Variants in CAGE1 observed in about 807,000 individuals in gnomAD.
CAGE1 encodes cancer-associated gene 1 protein.
In CAGE1, 66 loss-of-function variants were observed where a neutral mutation model predicts 94.9. The observed-to-expected ratio is 0.70, with a 90% CI of 0.57 to 0.85. CAGE1 has a LOEUF of 0.85. Among genes scored for constraint, CAGE1 ranks in the 40% least tolerant of loss-of-function variants. The pLI, the probability that CAGE1 is intolerant of heterozygous loss-of-function variation, is 0.00. For synonymous variants in CAGE1, 319 were observed against 321.0 expected (o/e 0.99, Z 0.07); for missense variants, 865 against 950.4 (o/e 0.91, Z 1.18).
intron 3 of CAGE1, among the ~76,000 whole-genome samples, chr6:7,379,951 A>C (rs1760876890): frequency 1.3e-5 from 2 of 152,192 alleles, no homozygotes; most frequent in South Asian, 4.1e-4. Context: ...ACATAAACTA[A>C]AAGAAAAATA....
intron 11 of CAGE1, among the ~76,000 whole-genome samples, chr6:7,343,484 T>C (rs1759273596): frequency 6.6e-6 from 1 of 152,234 alleles, no homozygotes; most frequent in Non-Finnish European, 1.5e-5. Flanking sequence ...ACTGAAATTT[T>C]CTGTTATTTT....
intron 12 of CAGE1, among the ~76,000 whole-genome samples, chr6:7,333,731 C>T (rs1006400783): frequency 6.7e-5 from 10 of 149,154 alleles, no homozygotes; most frequent in African/African-American, 2.0e-4. Context: ...TGCAGTGGCA[C>T]GATCTCGGCT....
At chr6:7,386,648 G>A (rs1761129541) in intron 2 of CAGE1, among the ~76,000 whole-genome samples, 1 of 152,116 alleles carries the variant, frequency 6.6e-6, no homozygotes, top group Non-Finnish European at 1.5e-5. Context: ...GTGCAGTGGC[G>A]CGATCTTGGC....
chr6:7,344,553 G>C (rs981430193), intron 11 of CAGE1, among the ~76,000 whole-genome samples: 1 of 152,212 alleles, frequency 6.6e-6, no homozygotes. Flanking sequence ...GCCGCCCCCT[G>C]CTCTACAGCG....
intron 3 of CAGE1, among the ~76,000 whole-genome samples, chr6:7,382,437 G>A (rs1760970465): frequency 6.6e-6 from 1 of 151,898 alleles, no homozygotes; most frequent in South Asian, 2.1e-4. Context: ...GAGTAGCTGG[G>A]ACTACAGGCA....
rs139334553 is a variant in CAGE1, at chr6:7,364,260, C to T, written c.2193+1208G>A. Among the ~76,000 whole-genome samples, 18 of 152,284 alleles carry T rather than the reference C, an allele frequency of 1.2e-4. No individual in the cohort carries two copies. The East Asian group carries it at 2.5e-3, about 21-fold the overall frequency. ...CTTAGAAATAATCTCTTCCAGTCCT[C>T]GGACAAGTATCCACTCTGTTAGATG... On this transcript the variant is annotated intron_variant, in intron 9 of 13. Transcript: ENST00000502583.
At chr6:7,372,925 G>A in intron 5 of CAGE1, 148 bp downstream of exon 5, 3 of 630,066 alleles carry the variant, frequency 4.8e-6, no homozygotes, top group East Asian at 5.7e-5. Context: ...AGATCCTCCT[G>A]CCTCAGCCTC....
intron 11 of CAGE1, among the ~76,000 whole-genome samples, chr6:7,342,512 T>C (rs1759221407): frequency 6.6e-6 from 1 of 152,130 alleles, no homozygotes; most frequent in South Asian, 2.1e-4. Flanking sequence ...TGACTCATAC[T>C]CCGGGTATCT....
chr6:7,368,218 A>G (rs1390849401), intron 7 of CAGE1, among the ~76,000 whole-genome samples: 1 of 142,080 alleles, frequency 7.0e-6, no homozygotes, highest in African/African-American at 2.8e-5. Context: ...ATGCCACTGC[A>G]CTCCAGCCTG....
rs1759075975 is a variant in CAGE1, at chr6:7,339,143, G to C, written c.2370-5053C>G. ...TCATGGATTTAGCTCTCTGTCCTCA[G>C]AGTTTCCCAGACACCACGACCTCAC... On this transcript the variant is annotated intron_variant, in intron 11 of 13. Transcript: ENST00000502583. This position sits in a 1 kb window ranked among gnomAD's most constrained non-coding sequence, Gnocchi z 4.7. 1.9e-6 allele frequency: 3 copies of C among 1,542,204 alleles called. No homozygotes were observed. The South Asian group carries it at 3.3e-5, about 17-fold the overall frequency.
chr6:7,340,827 G>C, intron 11 of CAGE1: 1 of 409,940 alleles, frequency 2.4e-6, no homozygotes, highest in South Asian at 2.2e-5. Context: ...TCTTCCAACT[G>C]CTTCACTAGC....
At chr6:7,349,978 A>C (rs1377242480) in intron 11 of CAGE1, among the ~76,000 whole-genome samples, 1 of 151,734 alleles carries the variant, frequency 6.6e-6, no homozygotes, top group African/African-American at 2.4e-5. Flanking sequence ...AAAAAAAAAG[A>C]ACTCATCAAC....
At chr6:7,331,334 C>A in intron 12 of CAGE1, 1 of 1,055,160 alleles carries the variant, frequency 9.5e-7, no homozygotes, top group Non-Finnish European at 1.3e-6. Flanking sequence ...AAAAGAGACC[C>A]GTAAGTCTGG....
intron 8 of CAGE1, 75 bp from the exon 9 acceptor site, chr6:7,365,650 T>C (rs1421723686): frequency 6.7e-7 from 1 of 1,499,546 alleles, no homozygotes; most frequent in African/African-American, 1.4e-5. Flanking sequence ...AATACTTTAT[T>C]AGTTTAAAAA....
At chr6:7,387,829 C>T (rs1350425173) in intron 1 of CAGE1, among the ~76,000 whole-genome samples, 10 of 145,790 alleles carry the variant, frequency 6.9e-5, no homozygotes, top group Admixed American at 4.2e-4. Context: ...ATCATCCTGG[C>T]TAACACGGTG....
intron 12 of CAGE1, among the ~76,000 whole-genome samples, chr6:7,333,329 A>T (rs1353315580): frequency 1.3e-5 from 2 of 152,172 alleles, no homozygotes; most frequent in East Asian, 3.9e-4. Flanking sequence ...CTCTTCTAAA[A>T]TAGCAGACTG....
intron 13 of CAGE1, chr6:7,329,165 T>G (rs1463779843): frequency 7.7e-6 from 3 of 390,970 alleles, no homozygotes; most frequent in Non-Finnish European, 1.4e-5. Context: ...ACTCCTGAAC[T>G]CAAGTGATCC....
intron 9 of CAGE1, among the ~76,000 whole-genome samples, chr6:7,364,970 T>C (rs778779467): frequency 7.9e-5 from 12 of 152,228 alleles, no homozygotes; most frequent in Non-Finnish European, 1.6e-4. Flanking sequence ...CGTTTTCATT[T>C]TAGTGAGATC....
At chr6:7,337,154 C>G (rs1007759864) in intron 11 of CAGE1, among the ~76,000 whole-genome samples, 2 of 151,886 alleles carry the variant, frequency 1.3e-5, no homozygotes, top group African/African-American at 2.4e-5. Context: ...AACCCCGTCT[C>G]TACTAAAAAT....
Sources: allele counts gnomAD v4.1 joint callset (sites outside exome capture counted in the v4.1 genomes callset), GRCh38; gene constraint gnomAD v4.1.1; non-coding constraint Gnocchi (gnomAD v3.1); transcripts MANE v1.5; gene names NCBI Gene and HGNC (gene_info 2026-07-23, HGNC 2026-07-21).